MTO1: variants seen among roughly 807,000 people sequenced by gnomAD.
MTO1 encodes 5-taurinomethyluridine-[tRNA] synthase subunit MTO1, mitochondrial.
MTO1 carries 46 observed loss-of-function variants against 71.6 expected under a neutral mutation model. The observed-to-expected ratio is 0.64, with a 90% confidence interval of 0.51 to 0.82. The LOEUF (loss-of-function observed/expected upper bound fraction) is 0.82, where lower values mean the gene tolerates loss of function less well. Among genes scored for constraint, MTO1 ranks in the 40% least tolerant of loss-of-function variants. The probability of loss-of-function intolerance (pLI) is 0.00; values close to 1 mark genes in which losing one functional copy is unlikely to be tolerated. For synonymous variants in MTO1, 297 were observed against 312.1 expected, an observed-to-expected ratio of 0.95 and a Z score of 0.51; for missense variants, 773 against 867.5, an observed-to-expected ratio of 0.89 and a Z score of 1.37.
At chr6:73,462,733 A>G (rs1770863150) in intron 1 of MTO1, among the ~76,000 whole-genome samples, 1 of 152,118 alleles carries the variant, frequency 6.6e-6, no homozygotes, top group African/African-American at 2.4e-5. Flanking sequence ...GTCTCAAAAT[A>G]ATGATAATAT....
chr6:73,480,306 C>T (rs1464344360), intron 6 of MTO1, 180 bp downstream of exon 6: 2 of 780,502 alleles, frequency 2.6e-6, no homozygotes, highest in Admixed American at 2.0e-5. Context: ...GAGTTTTGCT[C>T]TTGTTGCCCA....
intron 3 of MTO1, among the ~76,000 whole-genome samples, chr6:73,466,842 G>A (rs1771014697): frequency 6.6e-6 from 1 of 152,016 alleles, no homozygotes; most frequent in African/African-American, 2.4e-5. Flanking sequence ...GTAGAACTTT[G>A]TAATCTGCAT....
chr6:73,473,739 GGCA>G, intron 4 of MTO1, 85 bp downstream of exon 4: 1 of 817,008 alleles, frequency 1.2e-6, no homozygotes, highest in Non-Finnish European at 1.8e-6. Flanking sequence ...TTTTTTTTTT[GGCA>G]GCAGTTCACT....
Position 73,479,948 on chromosome 6 carries a change from C to A in MTO1, c.951C>A (p.Ser317=), listed in dbSNP as rs777680736. The A allele has an allele frequency of 1.7e-5, 27 of 1,612,206 alleles. No individual in the cohort carries two copies. The highest frequency in any genetic ancestry group is 2.7e-5 in the African/African-American group (2 of 74,840). ...ETTRGPRYCP[S]IESKVLRFPN... Reference sequence around the variant, plus strand: ...TGTTCTATTCTAGATACTGTCCCTCCATTGAATCAAAAGTTTTGCGTTTTC... The same window carrying A: ...TGTTCTATTCTAGATACTGTCCCTCAATTGAATCAAAAGTTTTGCGTTTTC... Residue 317 remains serine (S), a synonymous_variant, in exon 6 of 12, where the codon TCC becomes TCA. Transcript: ENST00000498286.
Position 73,479,761 on chromosome 6 carries a change from T to C in MTO1, c.855T>C (p.Thr285=). ...KPEDQLPCYL[T]HTNPRVDEIV... ...AAGATCAGCTGCCATGTTACTTGAC[T>C]CACACCAACCCTAGAGTGGATGAGA... is the stretch of plus-strand genomic sequence containing the variant. The change falls in exon 5 of 12, where the codon ACT becomes ACC. Residue 285 remains threonine (T), a synonymous_variant. Transcript: ENST00000498286. The C allele has an allele frequency of 1.2e-6, 2 of 1,613,664 alleles. No individual in the cohort carries two copies. Among genetic ancestry groups the C allele is most frequent in the South Asian group, 2.2e-5 (2 of 90,974 alleles).
At position 73,473,502 on chromosome 6, in the gene MTO1, C is replaced by A; in HGVS notation, c.673C>A (p.Leu225Met). The change falls in exon 4 of 12, where the codon CTG becomes ATG. Residue 225 changes from leucine (L) to methionine (M), a missense_variant. Leu to Met is a conservative substitution (Grantham distance 15). Transcript: ENST00000498286. ...GCCTTCTATAGGATTGGCTCAGACA[C>A]TGGAGAAGTTAGGGTTTGTGGTGGG... ...DQPSIGLAQT[L>M]EKLGFVVGRL... is the part of the protein sequence containing the mutation. 2 of 1,614,098 alleles carry A rather than the reference C, an allele frequency of 1.2e-6. No individual in the cohort carries two copies. Among genetic ancestry groups the A allele is most frequent in the African/African-American group, 2.7e-5 (2 of 75,020 alleles).
intron 3 of MTO1, among the ~76,000 whole-genome samples, chr6:73,472,056 C>T (rs1477745197): frequency 3.3e-5 from 5 of 152,144 alleles, no homozygotes; most frequent in Non-Finnish European, 5.9e-5. Flanking sequence ...CTTTCATTTT[C>T]TGTTCCAAGT....
At chr6:73,471,636 T>C in intron 3 of MTO1, 1 of 228,450 alleles carries the variant, frequency 4.4e-6, no homozygotes, top group Non-Finnish European at 8.9e-6. Context: ...AGGACTGGTC[T>C]TGAACCCCAG....
chr6:73,464,899 A>G (rs969536851), intron 1 of MTO1, among the ~76,000 whole-genome samples: 24 of 149,600 alleles, frequency 1.6e-4, no homozygotes, highest in Non-Finnish European at 3.0e-4. Flanking sequence ...GTGGCAGTGG[A>G]TATGTGGATA....
At chr6:73,472,141 AT>A (rs1771175153) in intron 3 of MTO1, among the ~76,000 whole-genome samples, 1 of 152,118 alleles carries the variant, frequency 6.6e-6, no homozygotes, top group Non-Finnish European at 1.5e-5. Context: ...AAATTAGTTC[AT>A]TCTCATTGAT....
At chr6:73,486,011 A>T (rs1395197241) in intron 9 of MTO1, among the ~76,000 whole-genome samples, 2 of 152,138 alleles carry the variant, frequency 1.3e-5, no homozygotes, top group Non-Finnish European at 2.9e-5. Flanking sequence ...TAGCTCAGAA[A>T]TTCCCTCCTG....
rs11332740 is a variant in MTO1, at chr6:73,507,976, C to CAAAAAAAAAAAAA, written c.*7253_*7265dup. On this transcript the variant is annotated 3_prime_UTR_variant, in exon 12 of 12. Coordinates refer to ENST00000498286, the MANE Select transcript of MTO1 (RefSeq NM_012123.4). ...TGGGCGACAAAGCGAGACTCTGTCT[C>CAAAAAAAAAAAAA]AAAAAAAAAAAAAAAAAAAAAAAAT... The CAAAAAAAAAAAAA allele has an allele frequency of 9.0e-6, 1 of 110,540 alleles. No homozygotes were observed. The highest frequency in any genetic ancestry group is 1.9e-5 in the Non-Finnish European group (1 of 53,614). 6.8% of individuals were successfully genotyped at this position (110,540 alleles called of 1,614,324 possible).
At chr6:73,492,995 T>TGTGTGTGTGTGTGTGTGTGTG (rs540252865) in intron 10 of MTO1, among the ~76,000 whole-genome samples, 1 of 73,306 alleles carries the variant, frequency 1.4e-5, no homozygotes, top group African/African-American at 4.8e-5. Flanking sequence ...TGTGTGTGTA[T>TGTGTGTGTGTGTGTGTGTGTG]TTTTTTTTTT....
chr6:73,478,853 A>C (rs534142732), intron 4 of MTO1, among the ~76,000 whole-genome samples: 4 of 150,798 alleles, frequency 2.7e-5, no homozygotes, highest in Non-Finnish European at 4.4e-5. Flanking sequence ...AAACAAAGCA[A>C]GGAGTCCCTG....
chr6:73,468,063 C>T (rs1160048270), intron 3 of MTO1, among the ~76,000 whole-genome samples: 3 of 152,070 alleles, frequency 2.0e-5, no homozygotes, highest in African/African-American at 7.2e-5. Context: ...TTGTGATCCA[C>T]CCGCCTCGCC....
rs546114268 is a variant in MTO1, at chr6:73,469,377, C to T, written c.535+2771C>T. On this transcript the variant is annotated intron_variant, in intron 3 of 11. Transcript: ENST00000498286. ...TGGTGGCTCACGCCTGTAATCCCAG[C>T]ACTTTGGGAGGCTGAGGCGGGCGGA... Among the ~76,000 whole-genome samples the T allele has an allele frequency of 2.6e-5, 4 of 152,130 alleles. No homozygotes were observed. In the East Asian group the frequency reaches 7.9e-4, roughly 30 times the overall value.
chr6:73,492,151 G>A (rs1771826954), intron 9 of MTO1, 83 bp from the exon 10 acceptor site: 43 of 849,428 alleles, frequency 5.1e-5, no homozygotes, highest in Non-Finnish European at 8.2e-5. Flanking sequence ...TCTGAGATCT[G>A]ATATTATTTC....
chr6:73,493,389 T>TGTG (rs765274183), intron 10 of MTO1, among the ~76,000 whole-genome samples: 1 of 147,534 alleles, frequency 6.8e-6, no homozygotes, highest in Non-Finnish European at 1.5e-5. Flanking sequence ...TGTGTGTGTG[T>TGTG]TTTGGTTTTT....
At chr6:73,487,344 A>C (rs1036319558) in intron 9 of MTO1, among the ~76,000 whole-genome samples, 2 of 151,538 alleles carry the variant, frequency 1.3e-5, no homozygotes, top group Non-Finnish European at 2.9e-5. Context: ...GGCACCCACC[A>C]GTAATCCCAG....
Sources: gnomAD v4.1 joint callset for allele counts (sites outside exome capture counted in the v4.1 genomes callset) on GRCh38, gnomAD v4.1.1 for gene constraint, MANE v1.5 for transcripts, NCBI Gene and HGNC (gene_info 2026-07-23, HGNC 2026-07-21) for gene names.